IL1A: variants seen among roughly 807,000 people sequenced by gnomAD.
IL1A encodes the protein interleukin 1 alpha, also known as interleukin-1 alpha.
A neutral mutation model predicts 22.2 loss-of-function variants in IL1A; 16 were observed. That is an observed-to-expected ratio of 0.72 (90% CI 0.49 to 1.09). IL1A has a LOEUF of 1.09. Ranked by LOEUF, IL1A falls within the 50% of genes least tolerant of loss-of-function variation. The pLI is 0.00. For synonymous variants in IL1A, 113 were observed against 118.5 expected (o/e 0.95, Z 0.30); for missense variants, 317 against 321.8 (o/e 0.99, Z 0.11).
chr2:112,777,903 T>G (rs1348781745), intron 6 of IL1A, 84 bp downstream of exon 6: 1 of 1,401,608 alleles, frequency 7.1e-7, no homozygotes, highest in East Asian at 2.3e-5. Flanking sequence ...CAGTGTCACC[T>G]TGTTAGAGGT....
intron 4 of IL1A, among the ~76,000 whole-genome samples, chr2:112,780,897 G>A (rs1274722469): frequency 6.6e-6 from 1 of 151,654 alleles, no homozygotes; most frequent in Non-Finnish European, 1.5e-5. Context: ...GCGGGTGCCT[G>A]TATTCCCAGC....
intron 5 of IL1A, 48 bp from the exon 6 acceptor site, chr2:112,778,159 T>G: frequency 6.4e-7 from 1 of 1,551,314 alleles, no homozygotes; most frequent in Non-Finnish European, 8.8e-7. Context: ...TGTATTTGTA[T>G]AAAATCAAGT....
chr2:112,775,364 C>A, intron 6 of IL1A, 97 bp from the exon 7 acceptor site: 1 of 864,734 alleles, frequency 1.2e-6, no homozygotes, highest in South Asian at 1.5e-5. Context: ...AGAAACAGCA[C>A]TTTAGGACTA....
intron 5 of IL1A, 82 bp from the exon 6 acceptor site, chr2:112,778,193 G>GGTGT (rs3074430): frequency 0.12 from 77,432 of 656,936 alleles, 2,439 homozygotes; most frequent in African/African-American, 0.13. Flanking sequence ...GTGTGTGCAT[G>GGTGT]GTGTGTGTGT....
At position 112,779,601 on chromosome 2, in the gene IL1A, T is replaced by A. The variant is rs1374196462; in HGVS notation, c.385A>T (p.Ile129Phe). 6.2e-7 allele frequency: 1 copy of A among 1,613,254 alleles called. No homozygotes were observed. Among genetic ancestry groups the A allele is most frequent in the East Asian group, 2.2e-5 (1 of 44,878 alleles). Residue 129 changes from isoleucine to phenylalanine, a missense_variant, in exon 5 of 7, where the codon ATC (isoleucine) becomes TTC (phenylalanine). Transcript: ENST00000263339. ...LSNVKYNFMR[I>F]IKYEFILNDA... ...TTCAGGATGAATTCGTATTTGATGATCCTCATAAAGTTGTATTTCACATTG... is the reference window on the plus strand; with the variant it reads ...TTCAGGATGAATTCGTATTTGATGAACCTCATAAAGTTGTATTTCACATTG...
At chr2:112,783,639 C>T in intron 2 of IL1A, 85 bp downstream of exon 2, 9 of 1,122,202 alleles carry the variant, frequency 8.0e-6, no homozygotes, top group Non-Finnish European at 1.1e-5. Flanking sequence ...GGCCTGCCCC[C>T]ATGCTGGCCA....
At chr2:112,780,744 A>G (rs935931806) in intron 4 of IL1A, among the ~76,000 whole-genome samples, 27 of 77,158 alleles carry the variant, frequency 3.5e-4, no homozygotes, top group Non-Finnish European at 5.4e-4. Context: ...AGTAATAATA[A>G]TAATAATCAT....
chr2:112,782,044 T>C (rs532537946), intron 3 of IL1A, among the ~76,000 whole-genome samples: 1 of 152,344 alleles, frequency 6.6e-6, no homozygotes, highest in East Asian at 1.9e-4. Context: ...GACTTTTTCA[T>C]TTATTTGCAT....
intron 4 of IL1A, among the ~76,000 whole-genome samples, chr2:112,779,972 C>G (rs1681168674): frequency 6.6e-6 from 1 of 152,020 alleles, no homozygotes; most frequent in Non-Finnish European, 1.5e-5. Flanking sequence ...ACAAGGAAGA[C>G]TACCAGTATT....
intron 6 of IL1A, 136 bp downstream of exon 6, chr2:112,777,851 G>A (rs1681125311): frequency 3.8e-6 from 3 of 793,150 alleles, no homozygotes; most frequent in Non-Finnish European, 6.1e-6. Flanking sequence ...ATCAATGGGA[G>A]TGGGGTGGGC....
chr2:112,777,503 A>T (rs1224456864), intron 6 of IL1A, among the ~76,000 whole-genome samples: 1 of 152,212 alleles, frequency 6.6e-6, no homozygotes, highest in South Asian at 2.1e-4. Flanking sequence ...GGGACGAAGG[A>T]TAATGCTGAC....
At position 112,782,743 on chromosome 2, in the gene IL1A, G is replaced by A; in HGVS notation, c.69C>T (p.Ser23=). Residue 23 remains serine, a synonymous_variant, in exon 3 of 7, where the codon TCC becomes TCT. Coordinates refer to ENST00000263339, the MANE Select transcript of IL1A (RefSeq NM_000575.5). ...NCYSENEEDS[S]SIDHLSLNQK... ...GATTCAGAGACAGATGATCAATGGA[G>A]GAACTGTCTTCTTCATTTTCACTGT... is the stretch of plus-strand genomic sequence containing the variant. The A allele has an allele frequency of 1.9e-6, 3 of 1,608,606 alleles. No individual in the cohort carries two copies. The African/African-American group carries it at 4.0e-5, about 21-fold the overall frequency.
chr2:112,775,072 C>G lies in IL1A; in HGVS notation c.811G>C (p.Ala271Pro). Reference protein sequence around the residue: ...ITDFQILENQA With the variant: ...ITDFQILENQP ...AGACAAGTGAGACTCCAGACCTACG[C>G]CTGGTTTTCCAGTATCTGAAAGTCA... The change falls in exon 7 of 7, where the codon GCG becomes CCG. Residue 271 changes from alanine (A) to proline (P), a missense_variant. Transcript: ENST00000263339. The G allele has an allele frequency of 6.2e-7, 1 of 1,613,344 alleles. No homozygotes were observed. Among genetic ancestry groups the G allele is most frequent in the Non-Finnish European group, 8.5e-7 (1 of 1,179,342 alleles).
At chr2:112,783,879 A>C in intron 1 of IL1A, 101 bp from the exon 2 acceptor site, 1 of 982,266 alleles carries the variant, frequency 1.0e-6, no homozygotes. Context: ...AACTTTGTTG[A>C]ATGACTTAGT....
chr2:112,777,018 G>A (rs1196642404), intron 6 of IL1A, among the ~76,000 whole-genome samples: 4 of 151,342 alleles, frequency 2.6e-5, no homozygotes, highest in African/African-American at 9.7e-5. Context: ...CCCTCCTGTC[G>A]GCAGCTCTCA....
Position 112,781,692 on chromosome 2 carries a change from G to A in IL1A, c.231C>T (p.Asn77=), listed in dbSNP as rs746465632. The A allele has an allele frequency of 1.8e-5, 29 of 1,614,156 alleles. 1 individual carries two copies. Among genetic ancestry groups the A allele is most frequent in the Middle Eastern group, 1.6e-4 (1 of 6,062 alleles). ...ACCGTCTCTTCTTCAGAACCTTCCC[G>A]TTGGTTGCTACTACCACCATGCTCT... is the stretch of plus-strand genomic sequence containing the variant. ...FKESMVVVAT[N]GKVLKKRRLS... is the part of the protein sequence containing the mutation. The change falls in exon 4 of 7, where the codon AAC becomes AAT. Residue 77 remains asparagine, a synonymous_variant. Coordinates refer to ENST00000263339, the MANE Select transcript of IL1A (RefSeq NM_000575.5).
At chr2:112,781,092 G>A (rs1448069822) in intron 4 of IL1A, among the ~76,000 whole-genome samples, 2 of 152,116 alleles carry the variant, frequency 1.3e-5, no homozygotes, top group African/African-American at 4.8e-5. Flanking sequence ...CTTTGTACCA[G>A]ACATTATTCT....
intron 5 of IL1A, among the ~76,000 whole-genome samples, chr2:112,779,022 A>G (rs1479945978): frequency 2.0e-5 from 3 of 152,196 alleles, no homozygotes; most frequent in Admixed American, 6.5e-5. Flanking sequence ...TTTGTAGCTT[A>G]TTGGAGGTTT....
At position 112,774,071 on chromosome 2, in the gene IL1A, G is replaced by A. The variant is rs969891548; in HGVS notation, c.*996C>T. The stretch of plus-strand genomic sequence containing the variant: ...TCCAGAAAAGAAAGTTTTGATAACA[G>A]TGGTCTCATGGTTGTCAAAGTTGAG... On this transcript the variant is annotated 3_prime_UTR_variant, in exon 7 of 7. Transcript: ENST00000263339. The A allele has an allele frequency of 1.3e-5, 2 of 152,194 alleles. No homozygotes were observed. Among genetic ancestry groups the A allele is most frequent in the African/African-American group, 4.8e-5 (2 of 41,446 alleles). The allele number at this position is 152,194 out of a possible 1,614,324, so 9.4% of individuals were successfully genotyped here.
Sources: gnomAD v4.1 joint callset for allele counts (sites outside exome capture counted in the v4.1 genomes callset) on GRCh38, gnomAD v4.1.1 for gene constraint, MANE v1.5 for transcripts, NCBI Gene and HGNC (gene_info 2026-07-23, HGNC 2026-07-21) for gene names.